The following SPOCK1 variants were observed in gnomAD, a reference collection of about 807,000 sequenced individuals.
The protein encoded by SPOCK1 is testican-1.
A neutral mutation model predicts 55.3 loss-of-function variants in SPOCK1; 23 were observed. The ratio of observed to expected loss-of-function variants is 0.42; its 90% CI spans 0.30 to 0.59. The LOEUF is 0.59. Among genes scored for constraint, SPOCK1 ranks in the 20% least tolerant of loss-of-function variants. SPOCK1 has a pLI of 0.22. For synonymous variants in SPOCK1, 226 were observed against 221.0 expected, an observed-to-expected ratio of 1.02 and a Z score of -0.20; for missense variants, 499 against 552.5, an observed-to-expected ratio of 0.90 and a Z score of 0.97.
intron 2 of SPOCK1, among the ~76,000 whole-genome samples, chr5:137,325,288 C>T (rs1048687947): frequency 6.6e-6 from 1 of 152,206 alleles, no homozygotes; most frequent in African/African-American, 2.4e-5. Context: ...CCAGCCCTCC[C>T]TTGCATGACA....
At chr5:137,123,473 G>C (rs940680301) in intron 4 of SPOCK1, among the ~76,000 whole-genome samples, 1 of 152,112 alleles carries the variant, frequency 6.6e-6, no homozygotes, top group Non-Finnish European at 1.5e-5. Flanking sequence ...GCCACTTTGG[G>C]CAATACAGTT....
At chr5:137,045,128 G>T (rs1205010784) in intron 6 of SPOCK1, among the ~76,000 whole-genome samples, 1 of 151,304 alleles carries the variant, frequency 6.6e-6, no homozygotes, top group African/African-American at 2.4e-5. Context: ...CTTTATAGCA[G>T]CATGATTTAT....
At chr5:137,272,290 G>C (rs1295646161) in intron 2 of SPOCK1, among the ~76,000 whole-genome samples, 1 of 152,166 alleles carries the variant, frequency 6.6e-6, no homozygotes, top group East Asian at 1.9e-4. Context: ...AGAAGATCTG[G>C]TTGGTGGGTG....
At chr5:137,389,291 T>C (rs1751663448) in intron 2 of SPOCK1, among the ~76,000 whole-genome samples, 1 of 152,230 alleles carries the variant, frequency 6.6e-6, no homozygotes. Context: ...GGAGCTGATA[T>C]GCCCTGTCCT....
At chr5:137,438,217 GC>G (rs1252927931) in intron 2 of SPOCK1, among the ~76,000 whole-genome samples, 1 of 152,060 alleles carries the variant, frequency 6.6e-6, no homozygotes, top group African/African-American at 2.4e-5. Flanking sequence ...GGGGGCTCCT[GC>G]ACAGGTCCAG....
At chr5:137,003,442 C>G (rs1476309610) in intron 6 of SPOCK1, among the ~76,000 whole-genome samples, 2 of 152,132 alleles carry the variant, frequency 1.3e-5, no homozygotes, top group African/African-American at 4.8e-5. Context: ...TATATTTGTT[C>G]TGCATATCTG....
At chr5:137,241,584 G>A (rs544952207) in intron 3 of SPOCK1, among the ~76,000 whole-genome samples, 2 of 152,264 alleles carry the variant, frequency 1.3e-5, no homozygotes, top group East Asian at 3.9e-4. Context: ...TATGTCATGA[G>A]AGCTCCACCC....
chr5:137,011,664 G>A (rs1454578838), intron 6 of SPOCK1, among the ~76,000 whole-genome samples: 1 of 152,170 alleles, frequency 6.6e-6, no homozygotes, highest in Non-Finnish European at 1.5e-5. Context: ...AAATTGCACT[G>A]ATAATGTAAT....
chr5:137,107,229 T>A (rs1753387281), intron 5 of SPOCK1, among the ~76,000 whole-genome samples: 1 of 152,224 alleles, frequency 6.6e-6, no homozygotes. Flanking sequence ...TTTTGCCATA[T>A]CCCTAGTATT....
intron 3 of SPOCK1, among the ~76,000 whole-genome samples, chr5:137,182,992 T>G (rs1212519362): frequency 6.6e-6 from 1 of 152,298 alleles, no homozygotes; most frequent in East Asian, 1.9e-4. Flanking sequence ...ACAAGGCACC[T>G]GCACTGGTGT....
chr5:137,422,217 A>AT (rs1752514818), intron 2 of SPOCK1, among the ~76,000 whole-genome samples: 1 of 151,994 alleles, frequency 6.6e-6, no homozygotes, highest in Admixed American at 6.6e-5. Context: ...TGCCCTTAAC[A>AT]TTTTTTCCTT....
At chr5:136,995,796 G>A (rs1177638043) in intron 6 of SPOCK1, among the ~76,000 whole-genome samples, 6 of 152,118 alleles carry the variant, frequency 3.9e-5, no homozygotes, top group African/African-American at 1.2e-4. Context: ...ATGTCTGATC[G>A]GATCAGGCAC....
chr5:137,498,472 T>G lies in SPOCK1; in HGVS notation c.87A>C (p.Gly29=), dbSNP rs773150478. 6.2e-7 allele frequency: 1 copy of G among 1,604,670 alleles called. No individual in the cohort carries two copies. Among genetic ancestry groups the G allele is most frequent in the African/African-American group, 1.3e-5 (1 of 74,740 alleles). ...AATTGCCGTGGTTGGGGCCCGCGCC[T>G]CCGGCGAGCGCGTCCAGGTGCCGGC... ...VESRHLDALA[G]GAGPNHGNFL... is the part of the protein sequence containing the mutation. The change falls in exon 2 of 11, where the codon GGA becomes GGC. Residue 29 remains glycine, a synonymous_variant. Transcript: ENST00000394945.
At chr5:137,432,941 A>G (rs1484553919) in intron 2 of SPOCK1, among the ~76,000 whole-genome samples, 2 of 152,154 alleles carry the variant, frequency 1.3e-5, no homozygotes, top group Non-Finnish European at 2.9e-5. Flanking sequence ...TTTGTCCTAG[A>G]TGAACATATC....
chr5:137,458,969 T>C (rs1473841746), intron 2 of SPOCK1, among the ~76,000 whole-genome samples: 1 of 152,188 alleles, frequency 6.6e-6, no homozygotes, highest in African/African-American at 2.4e-5. Context: ...ACAGAGAATA[T>C]ACACAAGAAG....
At chr5:137,280,188 GT>G (rs1757140611) in intron 2 of SPOCK1, among the ~76,000 whole-genome samples, 1 of 151,906 alleles carries the variant, frequency 6.6e-6, no homozygotes, top group African/African-American at 2.4e-5. Flanking sequence ...ACTCTCCAGG[GT>G]AAAATTATCA....
chr5:136,992,712 T>A (rs1750972232), intron 6 of SPOCK1, 112 bp from the exon 7 acceptor site: 1 of 719,804 alleles, frequency 1.4e-6, no homozygotes, highest in African/African-American at 1.8e-5. Context: ...AACCACGATA[T>A]AACTGTTACC....
At chr5:137,204,127 G>C (rs1358855836) in intron 3 of SPOCK1, among the ~76,000 whole-genome samples, 1 of 152,166 alleles carries the variant, frequency 6.6e-6, no homozygotes, top group Non-Finnish European at 1.5e-5. Flanking sequence ...CTGTAACGTG[G>C]AAATAACTAC....
chr5:137,491,416 A>G (rs1754174923), intron 2 of SPOCK1, among the ~76,000 whole-genome samples: 1 of 152,044 alleles, frequency 6.6e-6, no homozygotes, highest in African/African-American at 2.4e-5. Flanking sequence ...AGTATGACTC[A>G]CTCTGCCATG....
Sources: gnomAD v4.1 joint callset for allele counts (sites outside exome capture counted in the v4.1 genomes callset) on GRCh38, gnomAD v4.1.1 for gene constraint, MANE v1.5 for transcripts, NCBI Gene and HGNC (gene_info 2026-07-23, HGNC 2026-07-21) for gene names.